The following PTPRN2 variants were observed in gnomAD, a reference collection of about 807,000 sequenced individuals.
The protein encoded by PTPRN2 is protein tyrosine phosphatase receptor type N2, also known as receptor-type tyrosine-protein phosphatase N2.
Under a neutral mutation model 118.8 loss-of-function variants are expected in PTPRN2, and 74 were observed. That is an observed-to-expected ratio of 0.62 (90% CI 0.52 to 0.76). The LOEUF (loss-of-function observed/expected upper bound fraction) is 0.76. PTPRN2 is among the 30% of genes least tolerant of loss of function. PTPRN2 has a pLI of 0.00. For synonymous variants in PTPRN2, 641 were observed against 608.0 expected, an observed-to-expected ratio of 1.05 and a Z score of -0.80; for missense variants, 1,481 against 1,394.4, an observed-to-expected ratio of 1.06 and a Z score of -0.99.
rs532827671 is a variant in PTPRN2 at position 158,341,596 on chromosome 7, A to C, written c.164-24664T>G. On this transcript the variant is annotated intron_variant, in intron 2 of 22. Transcript: ENST00000389418. Reference sequence around the variant, plus strand: ...TCTCACCATAAGAGGTGACACCCGCAGACATCACTCACACCCACACTCTCA... The same window carrying C: ...TCTCACCATAAGAGGTGACACCCGCCGACATCACTCACACCCACACTCTCA... Among the ~76,000 whole-genome samples, 362 of 90,412 alleles carry C rather than the reference A, an allele frequency of 4.0e-3. 67 individuals are homozygous for C. The highest frequency in any genetic ancestry group is 0.016 in the African/African-American group (336 of 20,964). The allele number at this position is 90,412 out of a possible 152,430, so 59.3% of individuals were successfully genotyped here.
rs949401197 is a variant in PTPRN2, at chr7:158,418,735, G to A, written c.163+71000C>T. 4.8e-4 allele frequency among the ~76,000 whole-genome samples: 73 copies of A among 151,160 alleles called. 2 individuals carry two copies. The highest frequency in any genetic ancestry group is 5.3e-4 in the Non-Finnish European group (36 of 67,914). ...TCAGTGTCCCACTGTGTTAAGTCAC[G>A]GTGTACTACATCAAGATGCTGTAGC... On this transcript the variant is annotated intron_variant, in intron 2 of 22. Transcript: ENST00000389418.
chr7:158,402,399 G>A (rs929095637), intron 2 of PTPRN2, among the ~76,000 whole-genome samples: 1 of 152,124 alleles, frequency 6.6e-6, no homozygotes, highest in African/African-American at 2.4e-5. Context: ...CTCGGAGGTG[G>A]GGCTGGCTCA....
intron 3 of PTPRN2, among the ~76,000 whole-genome samples, chr7:158,254,735 C>T (rs1796914222): frequency 6.6e-6 from 1 of 152,236 alleles, no homozygotes; most frequent in African/African-American, 2.4e-5. Context: ...TAAAAATGTA[C>T]AGCCCTCCCT....
At chr7:158,203,601 C>A (rs1490972692) in intron 4 of PTPRN2, among the ~76,000 whole-genome samples, 2 of 151,936 alleles carry the variant, frequency 1.3e-5, no homozygotes, top group South Asian at 2.1e-4. Context: ...TCTGCACCCC[C>A]CCAGAGTGAG....
intron 2 of PTPRN2, among the ~76,000 whole-genome samples, chr7:158,432,540 T>C (rs954028764): frequency 6.6e-6 from 1 of 152,184 alleles, no homozygotes; most frequent in Admixed American, 6.5e-5. Flanking sequence ...CCTGCGAAGG[T>C]TTTCTGAGAC....
chr7:158,375,321 C>G (rs1810413463), intron 2 of PTPRN2, among the ~76,000 whole-genome samples: 1 of 152,198 alleles, frequency 6.6e-6, no homozygotes, highest in Non-Finnish European at 1.5e-5. Flanking sequence ...TACAGAGTAC[C>G]CAGGACACAG....
intron 12 of PTPRN2, among the ~76,000 whole-genome samples, chr7:157,699,655 C>T (rs1563359422): frequency 2.0e-5 from 3 of 152,198 alleles, no homozygotes; most frequent in African/African-American, 2.4e-5. Flanking sequence ...CTTGAGCTCC[C>T]AACCTCGGGT....
At chr7:158,021,819 A>G (rs1225057978) in intron 11 of PTPRN2, among the ~76,000 whole-genome samples, 2 of 152,206 alleles carry the variant, frequency 1.3e-5, no homozygotes, top group East Asian at 1.9e-4. Flanking sequence ...AGAAAAGACC[A>G]CTACATCGGC....
In PTPRN2 at chr7:157,606,819, CTTAG is replaced by C. The variant is rs1479531901; in HGVS notation, c.2345-2748_2345-2745del. ...ACAACAAATCCTAGGGCTTGGAAAA[CTTAG>C]TGAGTGTTTTAACTGATTGAACTAG... On this transcript the variant is annotated intron_variant, in intron 15 of 22. Coordinates refer to ENST00000389418, the MANE Select transcript of PTPRN2 (RefSeq NM_002847.5). Among the ~76,000 whole-genome samples the C allele has an allele frequency of 2.5e-4, 38 of 152,198 alleles. 2 individuals carry two copies. The highest frequency in any genetic ancestry group is 2.5e-3 in the Admixed American group (38 of 15,290).
rs116576197 is a variant in PTPRN2, at chr7:158,111,378, T to G, written c.1557-463A>C. On this transcript the variant is annotated intron_variant, in intron 9 of 22. Transcript: ENST00000389418. Reference sequence around the variant, plus strand: ...AGGCAGCCAGCCCACTGGCAGCAACTCAGGGCAGGGGGCGGGGGCACTCCC... The same window carrying G: ...AGGCAGCCAGCCCACTGGCAGCAACGCAGGGCAGGGGGCGGGGGCACTCCC... 9.2e-3 allele frequency among the ~76,000 whole-genome samples: 1,393 copies of G among 152,186 alleles called. 18 individuals are homozygous for G. The highest frequency in any genetic ancestry group is 0.032 in the African/African-American group (1,312 of 41,518).
chr7:157,571,046 A>C (rs1425366865), intron 20 of PTPRN2, among the ~76,000 whole-genome samples: 6 of 152,068 alleles, frequency 3.9e-5, no homozygotes, highest in Non-Finnish European at 8.8e-5. Context: ...GGAGTTCAAG[A>C]CCAGCCTGAC....
In PTPRN2 at chr7:158,278,670, T is replaced by G. The variant is rs146271098; in HGVS notation, c.277+38149A>C. On this transcript the variant is annotated intron_variant, in intron 3 of 22. Transcript: ENST00000389418. ...TGAAGCCGCGGACCCTCGCGGTGAG[T>G]GTTACAGTTTTTAAAGATGGTGTGT... Among the ~76,000 whole-genome samples the G allele has an allele frequency of 9.1e-3, 1,391 of 152,164 alleles. 11 individuals carry two copies. Among genetic ancestry groups the G allele is most frequent in the Non-Finnish European group, 0.013 (909 of 68,004 alleles).
At chr7:157,936,943 C>A (rs1799744375) in intron 11 of PTPRN2, among the ~76,000 whole-genome samples, 1 of 152,246 alleles carries the variant, frequency 6.6e-6, no homozygotes, top group Non-Finnish European at 1.5e-5. Flanking sequence ...GCCTCTTTCT[C>A]ATCTGTAAAA....
chr7:158,123,644 A>G (rs1347116350), intron 9 of PTPRN2, among the ~76,000 whole-genome samples: 4 of 152,188 alleles, frequency 2.6e-5, no homozygotes, highest in Non-Finnish European at 5.9e-5. Flanking sequence ...CAGGCAGAAA[A>G]TCAATAGAGG....
Position 157,755,754 on chromosome 7 carries a change from G to C in PTPRN2, c.1789-72817C>G, listed in dbSNP as rs191951784. 4.3e-4 allele frequency among the ~76,000 whole-genome samples: 66 copies of C among 152,110 alleles called. 1 individual carries two copies. Among genetic ancestry groups the C allele is most frequent in the Admixed American group, 3.1e-3 (48 of 15,286 alleles). The stretch of plus-strand genomic sequence containing the variant: ...AGGGGGTAGGAAGGGGAGAGGGAAG[G>C]AGTGAAAAAAAACCACCCCTTGGCT... On this transcript the variant is annotated intron_variant, in intron 12 of 22. Transcript: ENST00000389418.
Position 157,746,507 on chromosome 7 carries a change from AC to A in PTPRN2, c.1789-63571del, listed in dbSNP as rs1800949872. Among the ~76,000 whole-genome samples the A allele has an allele frequency of 2.1e-5, 3 of 140,610 alleles. 1 individual carries two copies. The South Asian group carries it at 7.3e-4, about 34-fold the overall frequency. 92.2% of individuals were successfully genotyped at this position (140,610 alleles called of 152,430 possible). A position where few individuals can be genotyped will look rare whatever the true frequency, so the allele number is the denominator to read the frequency against. On this transcript the variant is annotated intron_variant, in intron 12 of 22. Transcript: ENST00000389418. ...GAGATCACGGGACTCCCTGCACCCC[AC>A]AGTCCACACGGGGCCCTGAGTGTGA...
intron 11 of PTPRN2, among the ~76,000 whole-genome samples, chr7:157,998,475 C>T (rs977835765): frequency 2.0e-5 from 3 of 152,164 alleles, no homozygotes; most frequent in African/African-American, 4.8e-5. Flanking sequence ...CAGCCTCCAA[C>T]GTAGATGCTG....
At chr7:158,052,765 C>T (rs987683062) in intron 11 of PTPRN2, among the ~76,000 whole-genome samples, 2 of 152,136 alleles carry the variant, frequency 1.3e-5, no homozygotes, top group African/African-American at 4.8e-5. Context: ...ACTGCTTTGC[C>T]TCGAGGGGGC....
At position 157,785,830 on chromosome 7, in the gene PTPRN2, C is replaced by A. The variant is rs549666610; in HGVS notation, c.1789-102893G>T. Among the ~76,000 whole-genome samples, 76 of 152,276 alleles carry A rather than the reference C, an allele frequency of 5.0e-4. No individual in the cohort carries two copies. Among genetic ancestry groups the A allele is most frequent in the Non-Finnish European group, 7.9e-4 (54 of 68,014 alleles). Reference sequence around the variant, plus strand: ...GCGCAGGGGGCCCAGCTGAAGCCTGCGTTTTCCCTTCTGCACAACAGCGGA... The same window carrying A: ...GCGCAGGGGGCCCAGCTGAAGCCTGAGTTTTCCCTTCTGCACAACAGCGGA... On this transcript the variant is annotated intron_variant, in intron 12 of 22. Coordinates refer to ENST00000389418, the MANE Select transcript of PTPRN2 (RefSeq NM_002847.5). The surrounding 1 kb of genome is among the most constrained non-coding windows in gnomAD (Gnocchi z 7.3).
Sources: gnomAD v4.1 joint callset for allele counts (sites outside exome capture counted in the v4.1 genomes callset) on GRCh38, gnomAD v4.1.1 for gene constraint, Gnocchi (gnomAD v3.1) non-coding constraint, MANE v1.5 for transcripts, NCBI Gene and HGNC (gene_info 2026-07-23, HGNC 2026-07-21) for gene names.